TYK2: variants seen among roughly 807,000 people sequenced by gnomAD.
The protein encoded by TYK2 is non-receptor tyrosine-protein kinase TYK2.
TYK2 carries 65 observed loss-of-function variants against 130.9 expected under a neutral mutation model. That is an observed-to-expected ratio of 0.50 (90% CI 0.41 to 0.61). The LOEUF (loss-of-function observed/expected upper bound fraction) is 0.61, where lower values mean the gene tolerates loss of function less well. TYK2 is among the 20% of genes least tolerant of loss of function. The pLI is 0.00. For synonymous variants in TYK2, 647 were observed against 658.9 expected (o/e 0.98, Z 0.28); for missense variants, 1,378 against 1,610.7 (o/e 0.86, Z 2.47).
rs771780732 is a variant in TYK2, at chr19:10,365,785, C to A, written c.743G>T (p.Gly248Val). 6.2e-7 allele frequency: 1 copy of A among 1,612,296 alleles called. No individual in the cohort carries two copies. Among genetic ancestry groups the A allele is most frequent in the South Asian group, 1.1e-5 (1 of 91,014 alleles). The change falls in exon 7 of 25, where the codon GGC becomes GTC. Residue 248 changes from glycine (G) to valine (V), a missense_variant. Coordinates refer to ENST00000525621, the MANE Select transcript of TYK2 (RefSeq NM_003331.5). The part of the protein sequence containing the change: ...FRRFLRDFQP[G>V]RLSQQMVMVK... Reference sequence around the variant, plus strand: ...CATGACCATCTGCTGGGAGAGTCGGCCCGGCTGGAAGTCCCGCAGGAACCT... The same window carrying A: ...CATGACCATCTGCTGGGAGAGTCGGACCGGCTGGAAGTCCCGCAGGAACCT...
chr19:10,365,632 G>A lies in TYK2; in HGVS notation c.896C>T (p.Ala299Val). 1 of 1,613,892 alleles carries A rather than the reference G, an allele frequency of 6.2e-7. No individual in the cohort carries two copies. The highest frequency in any genetic ancestry group is 8.5e-7 in the Non-Finnish European group (1 of 1,179,922). The change falls in exon 7 of 25, where the codon GCC (alanine) becomes GTC (valine). Residue 299 changes from alanine (A) to valine (V), a missense_variant. By Grantham distance (64) the Ala-to-Val change is moderately conservative (BLOSUM62 0). Coordinates refer to ENST00000525621, the MANE Select transcript of TYK2 (RefSeq NM_003331.5). ...EPCYIRDSGV[A>V]PTDPGPESAA... ...AGACTCAGGGCCAGGGTCTGTAGGGGCCACCCCACTGTCCCGGATGTAGCA... is the reference window on the plus strand; with the variant it reads ...AGACTCAGGGCCAGGGTCTGTAGGGACCACCCCACTGTCCCGGATGTAGCA...
rs1343421360 is a variant in TYK2, at chr19:10,354,053, C to T, written c.2897G>A (p.Cys966Tyr). The T allele has an allele frequency of 6.2e-7, 1 of 1,614,030 alleles. No individual in the cohort carries two copies. Among genetic ancestry groups the T allele is most frequent in the African/African-American group, 1.3e-5 (1 of 74,944 alleles). ...HEHIIKYKGC[C>Y]EDQGEKSLQL... ...CGGGTCCCGCCCACCTTGGTCCTCG[C>T]AGCAGCCCTTGTACTTGATGATGTG... is the stretch of plus-strand genomic sequence containing the variant. The change falls in exon 20 of 25, where the codon TGC (cysteine) becomes TAC (tyrosine). Residue 966 changes from cysteine to tyrosine, a missense_variant. Cys to Tyr is a radical substitution (Grantham distance 194). Transcript: ENST00000525621.
rs1240553793 is a variant in TYK2, at chr19:10,364,060, C to G, written c.1367+554G>C. The stretch of plus-strand genomic sequence containing the variant: ...CGCCCTCAGGCCCACAAGTCACACA[C>G]AGGACCCCGCTGAGATGGTGACTCA... On this transcript the variant is annotated intron_variant, in intron 9 of 24. Transcript: ENST00000525621. This position sits in a 1 kb window ranked among gnomAD's most constrained non-coding sequence, Gnocchi z 4.9. 3.3e-5 allele frequency among the ~76,000 whole-genome samples: 5 copies of G among 152,244 alleles called. No homozygotes were observed. Among genetic ancestry groups the G allele is most frequent in the Non-Finnish European group, 5.9e-5 (4 of 68,048 alleles).
intron 3 of TYK2, among the ~76,000 whole-genome samples, chr19:10,372,457 G>GATATATATATATATATATATATATAT (rs1568343110): frequency 1.4e-5 from 1 of 70,296 alleles, no homozygotes; most frequent in African/African-American, 8.2e-5. Flanking sequence ...ACCACACACA[G>GATATATATATATATATATATATATAT]CTATATATAT....
chr19:10,364,439 G>A lies in TYK2; in HGVS notation c.1367+175C>T, dbSNP rs1252171527. On this transcript the variant is annotated intron_variant, in intron 9 of 24. Transcript: ENST00000525621. This position sits in a 1 kb window ranked among gnomAD's most constrained non-coding sequence, Gnocchi z 4.9. ...TGAGGCAGGAGAATCGCTTGAACCC[G>A]GGAGGCGGAGGCTGCAGTGAGCTGA... Among the ~76,000 whole-genome samples the A allele has an allele frequency of 2.6e-5, 4 of 152,108 alleles. No individual in the cohort carries two copies. Among genetic ancestry groups the A allele is most frequent in the East Asian group, 1.9e-4 (1 of 5,180 alleles).
intron 3 of TYK2, among the ~76,000 whole-genome samples, chr19:10,372,480 A>ATT (rs1368114611): frequency 0.015 from 941 of 63,854 alleles, 19 homozygotes; most frequent in Non-Finnish European, 0.016. Flanking sequence ...ATATATATAT[A>ATT]TATATTTTTT....
intron 18 of TYK2, among the ~76,000 whole-genome samples, chr19:10,356,104 C>T (rs1001007494): frequency 2.0e-5 from 3 of 152,134 alleles, no homozygotes; most frequent in African/African-American, 4.8e-5. Flanking sequence ...GGAGGCCAGG[C>T]GCAGTGGCTC....
At chr19:10,365,195 G>C (rs1396531424) in intron 7 of TYK2, 147 bp from the exon 8 acceptor site, 1 of 956,006 alleles carries the variant, frequency 1.0e-6, no homozygotes, top group Non-Finnish European at 1.5e-6. Context: ...AGGTGGGATG[G>C]GGACCCACCC....
intron 5 of TYK2, 100 bp downstream of exon 5, chr19:10,367,955 G>T: frequency 2.3e-5 from 30 of 1,313,034 alleles, no homozygotes; most frequent in Non-Finnish European, 2.8e-5. Context: ...AGCATGAGTT[G>T]AAACCTATTA....
At chr19:10,368,694 T>C (rs2041782658) in intron 3 of TYK2, 1 of 445,642 alleles carries the variant, frequency 2.2e-6, no homozygotes, top group Non-Finnish European at 4.2e-6. Context: ...TTTCCAAGCC[T>C]GGAAATAAAT....
intron 23 of TYK2, among the ~76,000 whole-genome samples, chr19:10,352,123 G>C (rs1005986386): frequency 1.4e-4 from 21 of 151,666 alleles, no homozygotes; most frequent in Non-Finnish European, 2.5e-4. Context: ...CCCAGCTGGA[G>C]TGCAGTCGGG....
chr19:10,356,783 G>C, intron 17 of TYK2, 65 bp from the exon 18 acceptor site: 1 of 1,528,694 alleles, frequency 6.5e-7, no homozygotes, highest in Non-Finnish European at 8.8e-7. Flanking sequence ...TCCCCAAGAG[G>C]CAGAGTCAAG....
chr19:10,366,478 G>A lies in TYK2; in HGVS notation c.568C>T (p.His190Tyr). The part of the protein sequence containing the change: ...KNESLGMAFL[H>Y]LCHLALRHGI... ...TGGCGGAGAGCGAGGTGACAGAGGT[G>A]CAGAAAGGCCATGCCCAGGCTCTCA... Residue 190 changes from histidine (H) to tyrosine (Y), a missense_variant, in exon 6 of 25, where the codon CAC (histidine) becomes TAC (tyrosine). Transcript: ENST00000525621. The A allele has an allele frequency of 6.2e-7, 1 of 1,614,116 alleles. No individual in the cohort carries two copies. Among genetic ancestry groups the A allele is most frequent in the Non-Finnish European group, 8.5e-7 (1 of 1,180,034 alleles).
At chr19:10,377,544 ATGGGTGGGTGGGTGGATGGATGGG>A (rs2042179855) in intron 3 of TYK2, among the ~76,000 whole-genome samples, 2 of 65,044 alleles carry the variant, frequency 3.1e-5, no homozygotes, top group African/African-American at 6.0e-5. Flanking sequence ...GGATGGATGG[ATGGGTGGGTGGGTGGATGGATGGG>A]TGGGTGGGTG....
rs1328323205 is a variant in TYK2 at position 10,353,990 on chromosome 19, ACG to A, written c.2908+50_2908+51del. The A allele has an allele frequency of 4.4e-6, 7 of 1,586,308 alleles. No homozygotes were observed. The African/African-American group carries it at 6.7e-5, about 15-fold the overall frequency. On this transcript the variant is annotated intron_variant, in intron 20 of 24. Coordinates refer to ENST00000525621, the MANE Select transcript of TYK2 (RefSeq NM_003331.5). This position sits in a 1 kb window ranked among gnomAD's most constrained non-coding sequence, Gnocchi z 6.9. ...TGGCCCCGCCCACAAGGCCACACCC[ACG>A]CTCTAACCACGCCCCCTCAAGTCTC...
intron 17 of TYK2, chr19:10,357,387 C>T (rs1294151384): frequency 3.1e-6 from 2 of 635,270 alleles, no homozygotes. Context: ...GGAACTTCGT[C>T]TCAAAATAAA....
chr19:10,358,223 T>C, intron 15 of TYK2, 85 bp from the exon 16 acceptor site: 1 of 1,375,480 alleles, frequency 7.3e-7, no homozygotes, highest in South Asian at 1.3e-5. Flanking sequence ...GGACAGCCAA[T>C]GTGAAAAGGA....
chr19:10,354,142 G>A lies in TYK2; in HGVS notation c.2808C>T (p.Cys936=), dbSNP rs1003072749. Residue 936 remains cysteine (C), a synonymous_variant, in exon 20 of 25, where the codon TGC becomes TGT. Coordinates refer to ENST00000525621, the MANE Select transcript of TYK2 (RefSeq NM_003331.5). ...TCCAGCCCGAGCGGTGCTGGGGGCCGCAGTCTGCCTTGAGGGCTTTCACCG... is the reference window on the plus strand; with the variant it reads ...TCCAGCCCGAGCGGTGCTGGGGGCCACAGTCTGCCTTGAGGGCTTTCACCG... The part of the protein sequence containing the change: ...MVAVKALKAD[C]GPQHRSGWKQ... The A allele has an allele frequency of 5.0e-6, 8 of 1,613,844 alleles. No individual in the cohort carries two copies. The African/African-American group carries it at 8.0e-5, about 16-fold the overall frequency.
At chr19:10,377,768 G>A in intron 3 of TYK2, among the ~76,000 whole-genome samples, 1 of 81,000 alleles carries the variant, frequency 1.2e-5, no homozygotes, top group Non-Finnish European at 2.4e-5. Context: ...ATGGGTGGGT[G>A]AGTAGGTGGA....
Sources: allele counts gnomAD v4.1 joint callset (sites outside exome capture counted in the v4.1 genomes callset), GRCh38; gene constraint gnomAD v4.1.1; non-coding constraint Gnocchi (gnomAD v3.1); transcripts MANE v1.5; gene names NCBI Gene and HGNC (gene_info 2026-07-23, HGNC 2026-07-21).